The following CSNK1A1 variants were observed in gnomAD, a reference collection of about 807,000 sequenced individuals.
CSNK1A1 encodes the protein casein kinase I isoform alpha.
Under a neutral mutation model 46.1 loss-of-function variants are expected in CSNK1A1, and 7 were observed. The observed-to-expected ratio is 0.15, with a 90% CI of 0.09 to 0.29. The LOEUF is 0.29. Ranked by LOEUF, CSNK1A1 falls within the 10% of genes least tolerant of loss-of-function variation. The pLI is 1.00. For missense variants in CSNK1A1, 96 were observed against 417.1 expected (o/e 0.23, Z 6.71); for synonymous variants, 137 against 141.5 (o/e 0.97, Z 0.23).
intron 5 of CSNK1A1, 135 bp downstream of exon 5, chr5:149,512,935 A>G: frequency 9.6e-7 from 1 of 1,045,264 alleles, no homozygotes; most frequent in Non-Finnish European, 1.4e-6. Flanking sequence ...AGCAGCAGGT[A>G]AAATGATTAA....
chr5:149,501,349 A>T (rs1456709419), intron 9 of CSNK1A1: 1 of 985,286 alleles, frequency 1.0e-6, no homozygotes. Flanking sequence ...TATTCAGAGC[A>T]GTGTGTTCAG....
intron 9 of CSNK1A1, chr5:149,497,237 AT>A (rs2113032943): frequency 9.9e-7 from 1 of 1,005,868 alleles, no homozygotes; most frequent in Admixed American, 5.5e-5. Flanking sequence ...AAAGAATACA[AT>A]TTTAATCCTA....
chr5:149,503,482 T>A (rs1306189822), intron 9 of CSNK1A1: 2 of 985,438 alleles, frequency 2.0e-6, no homozygotes, highest in Non-Finnish European at 2.4e-6. Context: ...GTCAATGACA[T>A]GTGATGTGTT....
At chr5:149,518,548 A>T (rs905940060) in intron 4 of CSNK1A1, among the ~76,000 whole-genome samples, 2 of 152,216 alleles carry the variant, frequency 1.3e-5, no homozygotes, top group Non-Finnish European at 2.9e-5. Context: ...AATCAACTAC[A>T]TAAACAAAAC....
In CSNK1A1 at chr5:149,524,953, T is replaced by A. The variant is rs568749197; in HGVS notation, c.357+92A>T. The A allele has an allele frequency of 2.5e-6, 3 of 1,176,536 alleles. No individual in the cohort carries two copies. The African/African-American group carries it at 4.7e-5, about 18-fold the overall frequency. 72.9% of individuals were successfully genotyped at this position (1,176,536 alleles called of 1,614,324 possible). A position where few individuals can be genotyped will look rare whatever the true frequency, so the allele number is the denominator to read the frequency against. On this transcript the variant is annotated intron_variant, in intron 3 of 9. Coordinates refer to ENST00000377843, the MANE Select transcript of CSNK1A1 (RefSeq NM_001892.6). ...TGCCTATGCTAAGGTTAAATAGTGATGCACAGGATTTTAATACTCTGATTT... is the reference window on the plus strand; with the variant it reads ...TGCCTATGCTAAGGTTAAATAGTGAAGCACAGGATTTTAATACTCTGATTT...
intron 4 of CSNK1A1, among the ~76,000 whole-genome samples, chr5:149,516,660 G>A (rs770137575): frequency 2.4e-4 from 36 of 152,126 alleles, no homozygotes; most frequent in Non-Finnish European, 4.6e-4. Context: ...AAGTAAAAAT[G>A]AGGCACTATA....
chr5:149,505,242 AATACAT>A (rs1289393943), intron 9 of CSNK1A1, 199 bp downstream of exon 9: 4 of 1,311,926 alleles, frequency 3.0e-6, no homozygotes, highest in African/African-American at 1.5e-5. Flanking sequence ...TGTATATACA[AATACAT>A]ATACATATAT....
intron 2 of CSNK1A1, among the ~76,000 whole-genome samples, chr5:149,529,115 A>T (rs936709643): frequency 5.9e-5 from 9 of 152,080 alleles, no homozygotes; most frequent in African/African-American, 2.2e-4. Flanking sequence ...ACGAAACATT[A>T]AAAAAAATCA....
chr5:149,545,005 G>A (rs951449803), intron 2 of CSNK1A1, among the ~76,000 whole-genome samples: 5 of 150,808 alleles, frequency 3.3e-5, no homozygotes, highest in Non-Finnish European at 5.9e-5. Flanking sequence ...GTGTGGCGGC[G>A]CGCCTGTAAT....
intron 9 of CSNK1A1, chr5:149,498,148 C>G (rs1760715535): frequency 2.0e-6 from 2 of 985,258 alleles, no homozygotes; most frequent in South Asian, 4.7e-5. Flanking sequence ...ACTTTTTAAA[C>G]ATTTGTTGGG....
At position 149,544,758 on chromosome 5, in the gene CSNK1A1, T is replaced by C. The variant is rs3940811; in HGVS notation, c.230+5317A>G. On this transcript the variant is annotated intron_variant, in intron 2 of 9. Transcript: ENST00000377843. ...AGCTTTATATATATATATATATATA[T>C]ATATATAGTTATTGACCAATCATGT... Among the ~76,000 whole-genome samples the C allele has an allele frequency of 4.8e-4, 62 of 129,264 alleles. 7 individuals carry two copies. The South Asian group carries it at 6.6e-3, about 14-fold the overall frequency. The allele number at this position is 129,264 out of a possible 152,430, so 84.8% of individuals were successfully genotyped here. A position where few individuals can be genotyped will look rare whatever the true frequency, so the allele number is the denominator to read the frequency against.
chr5:149,528,000 G>A (rs1399901084), intron 2 of CSNK1A1, among the ~76,000 whole-genome samples: 3 of 152,018 alleles, frequency 2.0e-5, no homozygotes, highest in Non-Finnish European at 4.4e-5. Context: ...AATGTAAAAG[G>A]CACAAATTCA....
chr5:149,513,213 TAA>T lies in CSNK1A1; in HGVS notation c.457-6_457-5del. The T allele has an allele frequency of 6.2e-7, 1 of 1,610,868 alleles. No individual in the cohort carries two copies. The highest frequency in any genetic ancestry group is 2.2e-5 in the East Asian group (1 of 44,812). On this transcript the variant is annotated splice_region_variant and splice_polypyrimidine_tract_variant and intron_variant, in intron 4 of 9. Transcript: ENST00000377843. The stretch of plus-strand genomic sequence containing the variant: ...AACCAAAATCAATAAGGAATAACTT[TAA>T]AAGAGAAATACAGAAACATTAGGTT...
chr5:149,550,234 A>G lies in CSNK1A1; in HGVS notation c.124-53T>C. ...TCAACATCCCTACGGATTCAATGTC[A>G]CTTAGGAAAGGAGGGAGACATTAGC... is the stretch of plus-strand genomic sequence containing the variant. On this transcript the variant is annotated intron_variant, in intron 1 of 9. Coordinates refer to ENST00000377843, the MANE Select transcript of CSNK1A1 (RefSeq NM_001892.6). This position sits in a 1 kb window ranked among gnomAD's most constrained non-coding sequence, Gnocchi z 4.3. The G allele has an allele frequency of 6.3e-7, 1 of 1,595,436 alleles. No homozygotes were observed. Among genetic ancestry groups the G allele is most frequent in the Non-Finnish European group, 8.5e-7 (1 of 1,170,700 alleles).
intron 9 of CSNK1A1, chr5:149,501,833 C>CT: frequency 1.0e-6 from 1 of 976,318 alleles, no homozygotes; most frequent in Non-Finnish European, 1.2e-6. Flanking sequence ...TTGAAAAATA[C>CT]TTTTTTGATA....
At chr5:149,512,984 GA>G in intron 5 of CSNK1A1, 85 bp downstream of exon 5, 2 of 1,467,666 alleles carry the variant, frequency 1.4e-6, no homozygotes, top group Non-Finnish European at 1.9e-6. Flanking sequence ...AACATCCTTA[GA>G]CATTGTAAGA....
intron 4 of CSNK1A1, among the ~76,000 whole-genome samples, chr5:149,513,782 C>T (rs1761310129): frequency 6.6e-6 from 1 of 152,014 alleles, no homozygotes. Flanking sequence ...TGCCTGTAGT[C>T]CCAGCTACAC....
intron 3 of CSNK1A1, among the ~76,000 whole-genome samples, chr5:149,520,811 T>C (rs934555627): frequency 2.0e-5 from 3 of 152,214 alleles, no homozygotes; most frequent in African/African-American, 4.8e-5. Context: ...TTATAAGATA[T>C]ACATATGCAC....
Position 149,551,317 on chromosome 5 carries a change from G to T in CSNK1A1, c.-353C>A, listed in dbSNP as rs1762652917. 1 of 241,822 alleles carries T rather than the reference G, an allele frequency of 4.1e-6. No homozygotes were observed. Among genetic ancestry groups the T allele is most frequent in the Non-Finnish European group, 8.2e-6 (1 of 121,300 alleles). 15.0% of individuals were successfully genotyped at this position (241,822 alleles called of 1,614,324 possible). ...GATACCGCTGCCACCACTGCCGCCG[G>T]CTCCGGCCCAGAGGGACCCCTGTCA... On this transcript the variant is annotated 5_prime_UTR_variant, in exon 1 of 10. Coordinates refer to ENST00000377843, the MANE Select transcript of CSNK1A1 (RefSeq NM_001892.6).
Sources: gnomAD v4.1 joint callset for allele counts (sites outside exome capture counted in the v4.1 genomes callset) on GRCh38, gnomAD v4.1.1 for gene constraint, Gnocchi (gnomAD v3.1) non-coding constraint, MANE v1.5 for transcripts, NCBI Gene and HGNC (gene_info 2026-07-23, HGNC 2026-07-21) for gene names.